The following TTLL5 variants were observed in gnomAD, a reference collection of about 807,000 sequenced individuals.
TTLL5 encodes the protein tubulin tyrosine ligase like 5, also known as tubulin polyglutamylase TTLL5.
A neutral mutation model predicts 168.4 loss-of-function variants in TTLL5; 132 were observed. That is an observed-to-expected ratio of 0.78 (90% CI 0.68 to 0.91). The LOEUF is 0.91. Ranked by LOEUF, TTLL5 falls within the 40% of genes least tolerant of loss-of-function variation. TTLL5 has a pLI of 0.00. For missense variants in TTLL5, 1,545 were observed against 1,581.5 expected (o/e 0.98, Z 0.39); for synonymous variants, 546 against 558.6 (o/e 0.98, Z 0.32).
Position 75,713,384 on chromosome 14 carries a change from C to T in TTLL5, c.741-4477C>T, listed in dbSNP as rs965149563. Among the ~76,000 whole-genome samples the T allele has an allele frequency of 2.6e-5, 4 of 152,160 alleles. No homozygotes were observed. The South Asian group carries it at 6.2e-4, about 24-fold the overall frequency. On this transcript the variant is annotated intron_variant, in intron 9 of 31. Coordinates refer to ENST00000298832, the MANE Select transcript of TTLL5 (RefSeq NM_015072.5). ...ACAAGCAAGAAGCTGTATTATCTAT[C>T]CTAGGTGTGTAGTAGGCTATACCAT...
intron 24 of TTLL5, among the ~76,000 whole-genome samples, chr14:75,781,953 T>G (rs942377542): frequency 3.7e-5 from 4 of 108,522 alleles, no homozygotes; most frequent in Non-Finnish European, 7.7e-5. Flanking sequence ...AGTGAAACTT[T>G]GTTCAAAAAA....
At chr14:75,951,819 C>A (rs999412539) in intron 31 of TTLL5, among the ~76,000 whole-genome samples, 1 of 152,134 alleles carries the variant, frequency 6.6e-6, no homozygotes, top group Non-Finnish European at 1.5e-5. Flanking sequence ...GTTTGTAATA[C>A]ATAAAAACCA....
chr14:75,759,095 A>G (rs904734513), intron 18 of TTLL5, among the ~76,000 whole-genome samples: 1 of 152,286 alleles, frequency 6.6e-6, no homozygotes, highest in African/African-American at 2.4e-5. Flanking sequence ...CATAATTGAT[A>G]AACCCTTAGG....
At chr14:75,671,650 G>C (rs1490507082) in intron 3 of TTLL5, among the ~76,000 whole-genome samples, 2 of 152,018 alleles carry the variant, frequency 1.3e-5, no homozygotes, top group African/African-American at 4.8e-5. Context: ...TGATGTTATT[G>C]TAAATAGAAT....
chr14:75,853,509 G>A (rs1234780872), intron 28 of TTLL5, among the ~76,000 whole-genome samples: 2 of 152,174 alleles, frequency 1.3e-5, no homozygotes, highest in Non-Finnish European at 1.5e-5. Context: ...TAGGAACAGT[G>A]TCCAATAAAT....
At chr14:75,697,653 A>G (rs1885965770) in intron 6 of TTLL5, among the ~76,000 whole-genome samples, 1 of 152,192 alleles carries the variant, frequency 6.6e-6, no homozygotes, top group Non-Finnish European at 1.5e-5. Flanking sequence ...AGCTGAGCCT[A>G]GAGAGCTCCT....
intron 29 of TTLL5, among the ~76,000 whole-genome samples, chr14:75,871,834 A>G (rs2031060294): frequency 6.6e-6 from 1 of 152,252 alleles, no homozygotes; most frequent in Non-Finnish European, 1.5e-5. Context: ...TGCACAGTAA[A>G]CCAACCATGT....
intron 28 of TTLL5, among the ~76,000 whole-genome samples, chr14:75,834,492 C>G (rs983011341): frequency 1.3e-5 from 2 of 152,164 alleles, no homozygotes; most frequent in Non-Finnish European, 2.9e-5. Context: ...TTCCCCTTCC[C>G]TTTCCCATTC....
At chr14:75,932,817 C>T (rs1435725082) in intron 31 of TTLL5, among the ~76,000 whole-genome samples, 1 of 152,116 alleles carries the variant, frequency 6.6e-6, no homozygotes, top group Admixed American at 6.5e-5. Flanking sequence ...GTTGCCATGT[C>T]TTCTTCATGA....
intron 12 of TTLL5, among the ~76,000 whole-genome samples, chr14:75,726,893 C>T (rs78933254): frequency 0.02 from 2,966 of 152,092 alleles, 119 homozygotes; most frequent in African/African-American, 0.068. Context: ...ATAATTTAAT[C>T]CAAAGCTTAG....
At chr14:75,765,182 C>T (rs546864543) in intron 19 of TTLL5, among the ~76,000 whole-genome samples, 1 of 152,288 alleles carries the variant, frequency 6.6e-6, no homozygotes, top group South Asian at 2.1e-4. Flanking sequence ...CTCCTAGCTT[C>T]TACAATGTTG....
At chr14:75,726,700 G>A (rs1888204373) in intron 12 of TTLL5, among the ~76,000 whole-genome samples, 1 of 152,134 alleles carries the variant, frequency 6.6e-6, no homozygotes, top group Admixed American at 6.5e-5. Flanking sequence ...GAAATGGTAA[G>A]AAGTATGACT....
chr14:75,917,047 GT>G (rs1302189303), intron 31 of TTLL5, among the ~76,000 whole-genome samples: 1 of 152,184 alleles, frequency 6.6e-6, no homozygotes, highest in Non-Finnish European at 1.5e-5. Flanking sequence ...GGAATAGGAT[GT>G]TTTTGTTTAA....
intron 18 of TTLL5, among the ~76,000 whole-genome samples, chr14:75,763,285 G>T (rs988757485): frequency 6.7e-6 from 1 of 149,138 alleles, no homozygotes; most frequent in Non-Finnish European, 1.5e-5. Context: ...GTGTGTGTGT[G>T]TACTCTTTGG....
At chr14:75,764,905 C>A in intron 19 of TTLL5, 133 bp downstream of exon 19, 1 of 1,030,068 alleles carries the variant, frequency 9.7e-7, no homozygotes, top group South Asian at 1.9e-5. Flanking sequence ...AGTTTTTTCT[C>A]TGAAACTTAA....
chr14:75,810,453 G>A (rs1358765672), intron 27 of TTLL5, among the ~76,000 whole-genome samples: 4 of 152,004 alleles, frequency 2.6e-5, no homozygotes, highest in Non-Finnish European at 5.9e-5. Flanking sequence ...CTGCAGCCTT[G>A]AATTCCCAGG....
At chr14:75,748,866 CTT>C (rs1889777809) in intron 17 of TTLL5, among the ~76,000 whole-genome samples, 1 of 152,144 alleles carries the variant, frequency 6.6e-6, no homozygotes, top group African/African-American at 2.4e-5. Context: ...GGTTGACACT[CTT>C]TGTACTTGTT....
Position 75,934,354 on chromosome 14 carries a change from T to G in TTLL5, c.3824-20070T>G, listed in dbSNP as rs573359211. Among the ~76,000 whole-genome samples the G allele has an allele frequency of 2.0e-5, 3 of 152,256 alleles. No homozygotes were observed. In the East Asian group the frequency reaches 5.8e-4, roughly 29 times the overall value. ...TAAGTTAAAGTAAAGCATTTAGAGGTGGACAGATTGGCAACTTTTACGTGA... is the reference window on the plus strand; with the variant it reads ...TAAGTTAAAGTAAAGCATTTAGAGGGGGACAGATTGGCAACTTTTACGTGA... On this transcript the variant is annotated intron_variant, in intron 31 of 31. Transcript: ENST00000298832.
chr14:75,834,505 A>T (rs772548817), intron 28 of TTLL5, among the ~76,000 whole-genome samples: 10 of 151,944 alleles, frequency 6.6e-5, no homozygotes, highest in Non-Finnish European at 1.2e-4. Context: ...TCCCATTCTT[A>T]TTTGGCAAAC....
Sources: gnomAD v4.1 joint callset for allele counts (sites outside exome capture counted in the v4.1 genomes callset) on GRCh38, gnomAD v4.1.1 for gene constraint, MANE v1.5 for transcripts, NCBI Gene and HGNC (gene_info 2026-07-23, HGNC 2026-07-21) for gene names.